The following MANBAL variants were observed in gnomAD, a reference collection of about 807,000 sequenced individuals.
The protein encoded by MANBAL is mannosidase beta like, also known as protein MANBAL.
Under a neutral mutation model 6.4 loss-of-function variants are expected in MANBAL, and 1 was observed. The observed-to-expected ratio is 0.16, with a 90% CI of 0.06 to 0.74. The LOEUF is 0.74. Among genes scored for constraint, MANBAL ranks in the 30% least tolerant of loss-of-function variants. MANBAL has a pLI of 0.78. For missense variants in MANBAL, 100 were observed against 107.8 expected, an observed-to-expected ratio of 0.93 and a Z score of 0.32; for synonymous variants, 47 against 45.8, an observed-to-expected ratio of 1.03 and a Z score of -0.10.
Position 37,293,786 on chromosome 20 carries a change from C to T in MANBAL, c.-57+4100C>T, listed in dbSNP as rs116035968. On this transcript the variant is annotated intron_variant, in intron 1 of 2. Coordinates refer to ENST00000373606, the MANE Select transcript of MANBAL (RefSeq NM_001003897.2). Reference sequence around the variant, plus strand: ...CTTATCAGCTAGAGTACAGTGTGTACGTGCAGTTCCTTTTGCCTTCAGTCT... The same window carrying T: ...CTTATCAGCTAGAGTACAGTGTGTATGTGCAGTTCCTTTTGCCTTCAGTCT... Among the ~76,000 whole-genome samples the T allele has an allele frequency of 2.8e-3, 423 of 152,332 alleles. 4 individuals are homozygous for T. The highest frequency in any genetic ancestry group is 8.6e-3 in the African/African-American group (356 of 41,572).
At position 37,301,450 on chromosome 20, in the gene MANBAL, G is replaced by A. The variant is rs1568600628; in HGVS notation, c.150+37G>A. 1.9e-6 allele frequency: 3 copies of A among 1,604,730 alleles called. No homozygotes were observed. In the African/African-American group the frequency reaches 4.0e-5, roughly 22 times the overall value. ...CCTGGGAGCCTCAGCTCCTCTGAGTGCCAGGCTGGGTTCTGAGTACTAACA... is the reference window on the plus strand; with the variant it reads ...CCTGGGAGCCTCAGCTCCTCTGAGTACCAGGCTGGGTTCTGAGTACTAACA... On this transcript the variant is annotated intron_variant, in intron 2 of 2. Coordinates refer to ENST00000373606, the MANE Select transcript of MANBAL (RefSeq NM_001003897.2).
At chr20:37,311,335 A>T (rs979148154) in intron 2 of MANBAL, among the ~76,000 whole-genome samples, 3 of 152,192 alleles carry the variant, frequency 2.0e-5, no homozygotes, top group African/African-American at 7.2e-5. Flanking sequence ...CTGCCTGGAG[A>T]CAGGGGCCAA....
intron 1 of MANBAL, chr20:37,297,478 G>GC (rs1368106220): frequency 1.3e-5 from 2 of 152,152 alleles, no homozygotes; most frequent in Non-Finnish European, 2.9e-5. Context: ...CCATCCTGTT[G>GC]CCCCAGGCAC....
At chr20:37,303,663 G>A (rs2069191940) in intron 2 of MANBAL, among the ~76,000 whole-genome samples, 1 of 152,204 alleles carries the variant, frequency 6.6e-6, no homozygotes, top group Non-Finnish European at 1.5e-5. Flanking sequence ...ACAGGGAAAA[G>A]GTACATGGGG....
chr20:37,304,057 AAT>A (rs1392038263), intron 2 of MANBAL, among the ~76,000 whole-genome samples: 5 of 152,226 alleles, frequency 3.3e-5, no homozygotes, highest in African/African-American at 1.2e-4. Flanking sequence ...GCTCATCTAC[AAT>A]ATACCAGTTA....
intron 2 of MANBAL, among the ~76,000 whole-genome samples, chr20:37,315,888 GC>G (rs1298807067): frequency 6.6e-6 from 1 of 152,252 alleles, no homozygotes; most frequent in Non-Finnish European, 1.5e-5. Context: ...GAGGTGATCG[GC>G]CAGTCACTGG....
chr20:37,300,686 A>G (rs755359965), intron 1 of MANBAL, among the ~76,000 whole-genome samples: 16 of 152,200 alleles, frequency 1.1e-4, no homozygotes, highest in Non-Finnish European at 2.1e-4. Flanking sequence ...CTTTGCATTT[A>G]TTTATTTTTC....
intron 2 of MANBAL, 98 bp from the exon 3 acceptor site, chr20:37,316,210 T>G (rs1345097782): frequency 2.7e-6 from 3 of 1,129,774 alleles, no homozygotes; most frequent in Non-Finnish European, 1.3e-6. Context: ...ATCTCTTGTG[T>G]TTCTGTGGCA....
At chr20:37,307,671 C>A (rs778029528) in intron 2 of MANBAL, among the ~76,000 whole-genome samples, 3 of 151,868 alleles carry the variant, frequency 2.0e-5, no homozygotes, top group Non-Finnish European at 4.4e-5. Context: ...GCAGGAGAAT[C>A]CCTTGAACCC....
At chr20:37,291,233 T>G (rs561951951) in intron 1 of MANBAL, among the ~76,000 whole-genome samples, 1 of 152,372 alleles carries the variant, frequency 6.6e-6, no homozygotes, top group Non-Finnish European at 1.5e-5. Flanking sequence ...ATCGCAAAGA[T>G]ACTTCAGTGA....
At position 37,301,378 on chromosome 20, in the gene MANBAL, G is replaced by A; in HGVS notation, c.115G>A (p.Ala39Thr). 1.2e-6 allele frequency: 2 copies of A among 1,613,466 alleles called. No homozygotes were observed. Among genetic ancestry groups the A allele is most frequent in the South Asian group, 2.2e-5 (2 of 91,022 alleles). Residue 39 changes from alanine (A) to threonine (T), a missense_variant, in exon 2 of 3, where the codon GCC becomes ACC. Transcript: ENST00000373606. ...GAIFQLICVL[A>T]IIVPIPKSHE... ...CATCTTCCAGCTCATCTGTGTGCTG[G>A]CCATCATCGTACCCATTCCCAAGTC...
At chr20:37,311,585 T>TCAAGTGATTCTCCTGCCTC (rs2069389070) in intron 2 of MANBAL, among the ~76,000 whole-genome samples, 2 of 152,186 alleles carry the variant, frequency 1.3e-5, no homozygotes, top group Admixed American at 1.3e-4. Context: ...CCTCCTGGGT[T>TCAAGTGATTCTCCTGCCTC]CAAGTGATTC....
chr20:37,309,065 C>T (rs889009553), intron 2 of MANBAL, among the ~76,000 whole-genome samples: 31 of 152,158 alleles, frequency 2.0e-4, no homozygotes, highest in African/African-American at 5.3e-4. Flanking sequence ...GCAGCTTCCC[C>T]GAATGGAAAC....
chr20:37,302,442 T>C (rs2146807325), intron 2 of MANBAL: 2 of 1,229,986 alleles, frequency 1.6e-6, no homozygotes, highest in South Asian at 1.4e-5. Flanking sequence ...TTAGGTGGTA[T>C]CAGCTGATCC....
At chr20:37,310,846 A>G in intron 2 of MANBAL, among the ~76,000 whole-genome samples, 1 of 152,342 alleles carries the variant, frequency 6.6e-6, no homozygotes, top group East Asian at 1.9e-4. Context: ...CAGTGCTCCC[A>G]GATTTAAAGG....
chr20:37,306,176 T>C (rs1458200961), intron 2 of MANBAL, among the ~76,000 whole-genome samples: 1 of 152,134 alleles, frequency 6.6e-6, no homozygotes, highest in African/African-American at 2.4e-5. Flanking sequence ...CTCTTTGCCG[T>C]TTTGCTCAGG....
intron 2 of MANBAL, among the ~76,000 whole-genome samples, chr20:37,302,747 ATATAT>A (rs948057080): frequency 6.6e-6 from 1 of 151,060 alleles, no homozygotes; most frequent in African/African-American, 2.4e-5. Context: ...CATATTTTTA[ATATAT>A]TTAATATGTT....
chr20:37,290,427 C>T (rs544222706), intron 1 of MANBAL, among the ~76,000 whole-genome samples: 15 of 148,522 alleles, frequency 1.0e-4, no homozygotes, highest in Middle Eastern at 3.5e-3. Context: ...AAAGCGGTAA[C>T]TTCTTTTTCT....
chr20:37,316,238 A>G lies in MANBAL; in HGVS notation c.151-70A>G, dbSNP rs1465523006. On this transcript the variant is annotated intron_variant, in intron 2 of 2. Transcript: ENST00000373606. ...CTGTGGCATGCTTCTTTGCTTTCAG[A>G]TGTGATCTCCTTTTGCTGGCGTCAG... is the stretch of plus-strand genomic sequence containing the variant. 3.6e-6 allele frequency: 5 copies of G among 1,403,340 alleles called. No individual in the cohort carries two copies. In the African/African-American group the frequency reaches 7.2e-5, roughly 20 times the overall value. 86.9% of individuals were successfully genotyped at this position (1,403,340 alleles called of 1,614,324 possible). A position where few individuals can be genotyped will look rare whatever the true frequency, so the allele number is the denominator to read the frequency against.
Sources: allele counts gnomAD v4.1 joint callset (sites outside exome capture counted in the v4.1 genomes callset), GRCh38; gene constraint gnomAD v4.1.1; transcripts MANE v1.5; gene names NCBI Gene and HGNC (gene_info 2026-07-23, HGNC 2026-07-21).